Variants in GMDS observed in about 807,000 individuals in gnomAD.
GMDS encodes the protein GDP-mannose 4,6-dehydratase.
GMDS carries 20 observed loss-of-function variants against 49.9 expected under a neutral mutation model. That is an observed-to-expected ratio of 0.40 (90% CI 0.28 to 0.58). The LOEUF (loss-of-function observed/expected upper bound fraction) is 0.58, where lower values mean the gene tolerates loss of function less well. Among genes scored for constraint, GMDS ranks in the 20% least tolerant of loss-of-function variants. GMDS has a pLI of 0.42. For synonymous variants in GMDS, 177 were observed against 178.6 expected, an observed-to-expected ratio of 0.99 and a Z score of 0.07; for missense variants, 362 against 481.4, an observed-to-expected ratio of 0.75 and a Z score of 2.32.
chr6:2,040,929 T>C (rs1769638114), intron 4 of GMDS, among the ~76,000 whole-genome samples: 1 of 152,246 alleles, frequency 6.6e-6, no homozygotes. Flanking sequence ...TCTTTGGGTC[T>C]TCATTTCTGA....
At chr6:1,958,573 T>C (rs1382372158) in intron 6 of GMDS, among the ~76,000 whole-genome samples, 2 of 152,328 alleles carry the variant, frequency 1.3e-5, no homozygotes, top group Non-Finnish European at 2.9e-5. Flanking sequence ...TAGGTTCTTA[T>C]GCTTTAACAG....
At chr6:1,901,309 C>G (rs745354627) in intron 7 of GMDS, among the ~76,000 whole-genome samples, 7 of 152,134 alleles carry the variant, frequency 4.6e-5, no homozygotes, top group Non-Finnish European at 8.8e-5. Context: ...TAAAGTCAGC[C>G]TTTTCTGAAT....
At chr6:2,032,357 T>C (rs1316205437) in intron 4 of GMDS, among the ~76,000 whole-genome samples, 1 of 152,188 alleles carries the variant, frequency 6.6e-6, no homozygotes, top group Non-Finnish European at 1.5e-5. Context: ...CCTATACAGC[T>C]GGAAATCTCA....
intron 7 of GMDS, among the ~76,000 whole-genome samples, chr6:1,801,110 T>C (rs1247706861): frequency 6.6e-6 from 1 of 152,212 alleles, no homozygotes; most frequent in African/African-American, 2.4e-5. Context: ...CATGAGGACC[T>C]GTGACTAGAA....
At position 1,684,840 on chromosome 6, in the gene GMDS, C is replaced by A. The variant is rs150628878; in HGVS notation, c.987+41576G>T. Among the ~76,000 whole-genome samples, 288 of 152,114 alleles carry A rather than the reference C, an allele frequency of 1.9e-3. 2 individuals are homozygous for A. Among genetic ancestry groups the A allele is most frequent in the African/African-American group, 6.5e-3 (271 of 41,482 alleles). The stretch of plus-strand genomic sequence containing the variant: ...ACCTCATTAAAGCTGGGGGTTAAAC[C>A]GAGTCCAGCACCTGGCACCAAGTAA... On this transcript the variant is annotated intron_variant, in intron 9 of 10. Transcript: ENST00000380815.
chr6:1,683,996 A>ATTTTTT (rs1561726044), intron 9 of GMDS, among the ~76,000 whole-genome samples: 1 of 66,536 alleles, frequency 1.5e-5, no homozygotes. Context: ...TCTATCAGCT[A>ATTTTTT]TGAGGGTGGG....
chr6:1,835,260 A>C (rs1756871875), intron 7 of GMDS, among the ~76,000 whole-genome samples: 1 of 152,174 alleles, frequency 6.6e-6, no homozygotes, highest in Admixed American at 6.5e-5. Context: ...GGGACAGATC[A>C]CTGGGATAGG....
intron 4 of GMDS, among the ~76,000 whole-genome samples, chr6:2,018,075 C>T (rs1362497940): frequency 6.6e-6 from 1 of 152,136 alleles, no homozygotes; most frequent in Non-Finnish European, 1.5e-5. Flanking sequence ...CCACAAAAAC[C>T]TTTACAATTT....
chr6:2,202,435 ATT>A (rs1327810656), intron 1 of GMDS, among the ~76,000 whole-genome samples: 2 of 31,140 alleles, frequency 6.4e-5, no homozygotes, highest in Non-Finnish European at 9.2e-5. Flanking sequence ...ATTTCTTTCT[ATT>A]TTTTTTTTTT....
rs144044641 is a variant in GMDS at position 2,005,046 on chromosome 6, A to T, written c.346-44080T>A. On this transcript the variant is annotated intron_variant, in intron 4 of 10. Coordinates refer to ENST00000380815, the MANE Select transcript of GMDS (RefSeq NM_001500.4). Reference sequence around the variant, plus strand: ...AGTCAGAGCTTCTCAAGTACTTAAGAAGTACTTAAGGGTGCTTATAAACAA... The same window carrying T: ...AGTCAGAGCTTCTCAAGTACTTAAGTAGTACTTAAGGGTGCTTATAAACAA... 4.1e-3 allele frequency among the ~76,000 whole-genome samples: 621 copies of T among 152,232 alleles called. 6 individuals carry two copies. Among genetic ancestry groups the T allele is most frequent in the African/African-American group, 0.014 (592 of 41,542 alleles).
chr6:2,030,321 G>A (rs1768875776), intron 4 of GMDS, among the ~76,000 whole-genome samples: 1 of 152,182 alleles, frequency 6.6e-6, no homozygotes. Flanking sequence ...GGAGAGCCAA[G>A]AAAAAGATAA....
intron 7 of GMDS, among the ~76,000 whole-genome samples, chr6:1,837,976 A>T (rs1757000686): frequency 6.6e-6 from 1 of 152,140 alleles, no homozygotes; most frequent in African/African-American, 2.4e-5. Context: ...AAATAAAAGC[A>T]TTGCTATTTT....
At chr6:1,817,026 T>C (rs1435847865) in intron 7 of GMDS, among the ~76,000 whole-genome samples, 1 of 149,978 alleles carries the variant, frequency 6.7e-6, no homozygotes, top group Non-Finnish European at 1.5e-5. Flanking sequence ...ATTAGTAAAT[T>C]AGCAGTGTCC....
At chr6:1,765,867 AAACGCAAAGGCCTTGAGAAGGCCCTTG>A (rs1768330772) in intron 7 of GMDS, among the ~76,000 whole-genome samples, 1 of 152,154 alleles carries the variant, frequency 6.6e-6, no homozygotes, top group African/African-American at 2.4e-5. Context: ...ATAGCAGAAC[AAACGCAAAGGCCTTGAGAAGGCCCTTG>A]CGAGACTCAG....
intron 6 of GMDS, among the ~76,000 whole-genome samples, chr6:1,952,836 G>A (rs1372348615): frequency 6.6e-6 from 1 of 152,060 alleles, no homozygotes; most frequent in Non-Finnish European, 1.5e-5. Context: ...AGAGTGGGAG[G>A]AGAATGGAAG....
chr6:2,162,800 G>A (rs982566575), intron 1 of GMDS, among the ~76,000 whole-genome samples: 1 of 151,906 alleles, frequency 6.6e-6, no homozygotes, highest in Non-Finnish European at 1.5e-5. Context: ...GTTGAGAGGA[G>A]ACAGCAGCAG....
Position 1,844,552 on chromosome 6 carries a change from TAAATAGCCTTCATTATCTGAGA to T in GMDS, c.771+85529_771+85550del, listed in dbSNP as rs1757299527. ...GCTTGAGTTTTCCTAAAATCAATTA[TAAATAGCCTTCATTATCTGAGA>T]AAATATTTCAAAACTTTGTAACAAG... On this transcript the variant is annotated intron_variant, in intron 7 of 10. Transcript: ENST00000380815. 2.0e-5 allele frequency among the ~76,000 whole-genome samples: 3 copies of T among 152,228 alleles called. No individual in the cohort carries two copies. The South Asian group carries it at 6.2e-4, about 31-fold the overall frequency.
intron 4 of GMDS, among the ~76,000 whole-genome samples, chr6:2,106,746 A>C (rs1774264259): frequency 6.6e-6 from 1 of 151,916 alleles, no homozygotes. Context: ...ACCTGTAATC[A>C]CAGCTACTCG....
At chr6:2,221,805 C>T (rs1273199702) in intron 1 of GMDS, among the ~76,000 whole-genome samples, 2 of 151,846 alleles carry the variant, frequency 1.3e-5, no homozygotes, top group Non-Finnish European at 2.9e-5. Context: ...CAAACAACAA[C>T]GAAAAAAGAA....
Sources: gnomAD v4.1 joint callset for allele counts (sites outside exome capture counted in the v4.1 genomes callset) on GRCh38, gnomAD v4.1.1 for gene constraint, MANE v1.5 for transcripts, NCBI Gene and HGNC (gene_info 2026-07-23, HGNC 2026-07-21) for gene names.